GRID2: variants seen among roughly 807,000 people sequenced by gnomAD.
The protein encoded by GRID2 is glutamate ionotropic receptor delta type subunit 2, also known as glutamate receptor ionotropic, delta-2.
In GRID2, 33 loss-of-function variants were observed where a neutral mutation model predicts 114.8. The observed-to-expected ratio is 0.29, with a 90% confidence interval of 0.22 to 0.38. The LOEUF is 0.38. Among genes scored for constraint, GRID2 ranks in the 10% least tolerant of loss-of-function variants. The probability of loss-of-function intolerance (pLI) is 1.00; values close to 1 mark genes in which losing one functional copy is unlikely to be tolerated. For missense variants in GRID2, 1,184 were observed against 1,257.7 expected (o/e 0.94, Z 0.89); for synonymous variants, 505 against 449.9 (o/e 1.12, Z -1.55).
At position 93,805,991 on chromosome 4, in the gene GRID2, G is replaced by A. The variant is rs534376709; in HGVS notation, c.222-724G>A. Among the ~76,000 whole-genome samples, 221 of 152,176 alleles carry A rather than the reference G, an allele frequency of 1.5e-3. 2 individuals are homozygous for A. The highest frequency in any genetic ancestry group is 4.8e-3 in the African/African-American group (201 of 41,520). ...ATGTGCCTGTGGTCCCAGCTACTCG[G>A]GAAGCTGAGACATAAGAATTGCTTG... On this transcript the variant is annotated intron_variant, in intron 1 of 1. Transcript: ENST00000637838.
chr4:93,452,818 T>C (rs1014824016), intron 10 of GRID2, among the ~76,000 whole-genome samples: 6 of 151,978 alleles, frequency 3.9e-5, no homozygotes, highest in African/African-American at 1.4e-4. Context: ...TGTCTTTGAT[T>C]ATTTCTGGTT....
chr4:92,717,347 C>T (rs1735600870), intron 2 of GRID2, among the ~76,000 whole-genome samples: 1 of 152,122 alleles, frequency 6.6e-6, no homozygotes, highest in Non-Finnish European at 1.5e-5. Context: ...GCCAGAAATT[C>T]TTGGCAACAG....
At chr4:93,213,030 C>G (rs1215010264) in intron 5 of GRID2, among the ~76,000 whole-genome samples, 2 of 152,138 alleles carry the variant, frequency 1.3e-5, no homozygotes, top group Non-Finnish European at 2.9e-5. Context: ...AACTCAGCCT[C>G]CCAAAGTGTT....
chr4:92,695,552 G>GT (rs562045207), intron 2 of GRID2, among the ~76,000 whole-genome samples: 1 of 151,686 alleles, frequency 6.6e-6, no homozygotes, highest in Non-Finnish European at 1.5e-5. Flanking sequence ...CAATGAACTA[G>GT]TTATGGGAGA....
intron 1 of GRID2, among the ~76,000 whole-genome samples, chr4:93,800,056 A>C (rs1391096399): frequency 6.6e-6 from 1 of 152,244 alleles, no homozygotes; most frequent in Non-Finnish European, 1.5e-5. Context: ...GCTTGGATTA[A>C]TATGTAGAGT....
At chr4:92,597,614 T>C (rs561223271) in intron 2 of GRID2, among the ~76,000 whole-genome samples, 1 of 152,336 alleles carries the variant, frequency 6.6e-6, no homozygotes, top group African/African-American at 2.4e-5. Flanking sequence ...TGTTCTTTTG[T>C]TGTCTGTGTT....
chr4:92,806,420 A>G (rs1740419305), intron 2 of GRID2, among the ~76,000 whole-genome samples: 1 of 151,954 alleles, frequency 6.6e-6, no homozygotes, highest in African/African-American at 2.4e-5. Context: ...CAAAACTGAC[A>G]TAGGTGTTCT....
intron 2 of GRID2, among the ~76,000 whole-genome samples, chr4:92,986,571 T>C (rs1021324405): frequency 6.6e-6 from 1 of 152,276 alleles, no homozygotes; most frequent in South Asian, 2.1e-4. Flanking sequence ...TGGCGAATAG[T>C]GTAGCAATGT....
chr4:93,343,219 A>G (rs181187485), intron 8 of GRID2, among the ~76,000 whole-genome samples: 17 of 151,988 alleles, frequency 1.1e-4, no homozygotes, highest in Non-Finnish European at 4.4e-5. Context: ...GTTCCCTTAT[A>G]ATAATTATAA....
intron 1 of GRID2, among the ~76,000 whole-genome samples, chr4:92,350,378 CAGAT>C (rs774095361): frequency 6.6e-6 from 1 of 151,704 alleles, no homozygotes; most frequent in Non-Finnish European, 1.5e-5. Flanking sequence ...ATACTTATTT[CAGAT>C]AGATAGTGTG....
intron 1 of GRID2, among the ~76,000 whole-genome samples, chr4:92,420,061 G>C (rs1357489191): frequency 2.0e-5 from 3 of 152,056 alleles, no homozygotes; most frequent in African/African-American, 7.2e-5. Context: ...TTATAGAGTT[G>C]TTTGCAGTGA....
intron 2 of GRID2, among the ~76,000 whole-genome samples, chr4:92,866,779 C>G (rs1744900165): frequency 6.6e-6 from 1 of 152,028 alleles, no homozygotes; most frequent in Non-Finnish European, 1.5e-5. Context: ...TCTCGATCTC[C>G]TGACCTCGTG....
At chr4:92,776,920 G>A (rs193044727) in intron 2 of GRID2, among the ~76,000 whole-genome samples, 1 of 151,886 alleles carries the variant, frequency 6.6e-6, no homozygotes, top group East Asian at 1.9e-4. Flanking sequence ...AAGAGAGCCA[G>A]GGAAAAAAAT....
chr4:92,658,354 A>G lies in GRID2; in HGVS notation c.244+68068A>G, dbSNP rs1335710419. On this transcript the variant is annotated intron_variant, in intron 2 of 15. Transcript: ENST00000282020. ...TCTCATTAAAATGTGAATCCACAGT[A>G]TATATAACTTCAGAAAGAAATGTTC... Among the ~76,000 whole-genome samples the G allele has an allele frequency of 2.6e-5, 4 of 151,788 alleles. No homozygotes were observed. The East Asian group carries it at 7.8e-4, about 29-fold the overall frequency.
At chr4:93,675,466 T>C (rs1332822513) in intron 14 of GRID2, among the ~76,000 whole-genome samples, 1 of 152,202 alleles carries the variant, frequency 6.6e-6, no homozygotes, top group Admixed American at 6.5e-5. Context: ...CTAAGATTTA[T>C]TAAACACCTA....
intron 1 of GRID2, among the ~76,000 whole-genome samples, chr4:92,550,863 A>G (rs1726550355): frequency 6.6e-6 from 1 of 152,218 alleles, no homozygotes; most frequent in Non-Finnish European, 1.5e-5. Flanking sequence ...TAAAAAGTGT[A>G]AGAACACTTG....
At chr4:92,576,621 G>C (rs1230450179) in intron 1 of GRID2, among the ~76,000 whole-genome samples, 1 of 152,170 alleles carries the variant, frequency 6.6e-6, no homozygotes, top group Non-Finnish European at 1.5e-5. Flanking sequence ...CTCTGCATGT[G>C]CCTGAGCATC....
At chr4:92,915,284 G>C (rs944045140) in intron 2 of GRID2, among the ~76,000 whole-genome samples, 2 of 152,120 alleles carry the variant, frequency 1.3e-5, no homozygotes, top group Non-Finnish European at 2.9e-5. Context: ...TAACAGCATA[G>C]ATTAGTTCTA....
chr4:92,529,946 G>A (rs1006466428), intron 1 of GRID2, among the ~76,000 whole-genome samples: 2 of 152,118 alleles, frequency 1.3e-5, no homozygotes, highest in African/African-American at 2.4e-5. Context: ...GTGAGAAGAG[G>A]AAGAATTGTA....
Sources: allele counts gnomAD v4.1 joint callset (sites outside exome capture counted in the v4.1 genomes callset), GRCh38; gene constraint gnomAD v4.1.1; transcripts MANE v1.5; gene names NCBI Gene and HGNC (gene_info 2026-07-23, HGNC 2026-07-21).